Variants in CD72 observed in about 807,000 individuals in gnomAD.
CD72 encodes B-cell differentiation antigen CD72.
In CD72, 28 loss-of-function variants were observed where a neutral mutation model predicts 50.7. The observed-to-expected ratio is 0.55, with a 90% confidence interval of 0.41 to 0.76. CD72 has a LOEUF of 0.76. Among genes scored for constraint, CD72 ranks in the 30% least tolerant of loss-of-function variants. The probability of loss-of-function intolerance (pLI) is 0.00; values close to 1 mark genes in which losing one functional copy is unlikely to be tolerated. For synonymous variants in CD72, 176 were observed against 171.2 expected, an observed-to-expected ratio of 1.03 and a Z score of -0.22; for missense variants, 403 against 420.6, an observed-to-expected ratio of 0.96 and a Z score of 0.37.
chr9:35,613,777 G>T (rs1007146433), intron 5 of CD72, among the ~76,000 whole-genome samples: 7 of 152,104 alleles, frequency 4.6e-5, no homozygotes, highest in Non-Finnish European at 8.8e-5. Flanking sequence ...CCGAGGCGGG[G>T]TGGATCACCT....
chr9:35,636,475 T>G (rs1042344226), intron 1 of CD72, among the ~76,000 whole-genome samples: 2 of 151,882 alleles, frequency 1.3e-5, no homozygotes, highest in Middle Eastern at 3.4e-3. Flanking sequence ...TGGGAAGAAA[T>G]GGAATATAAA....
chr9:35,622,705 T>G (rs904904267), upstream of CD72, among the ~76,000 whole-genome samples: 4 of 151,784 alleles, frequency 2.6e-5, no homozygotes, highest in East Asian at 7.7e-4. Flanking sequence ...AAGAATCGCT[T>G]AAACCCGGGA....
At chr9:35,613,578 TC>T (rs1356136761) in intron 5 of CD72, among the ~76,000 whole-genome samples, 6 of 152,196 alleles carry the variant, frequency 3.9e-5, no homozygotes, top group Non-Finnish European at 8.8e-5. Flanking sequence ...ATTGCTTTGT[TC>T]CATCAGTCCT....
chr9:35,618,586 T>A (rs1823105621), upstream of CD72: 2 of 682,018 alleles, frequency 2.9e-6, no homozygotes, highest in Non-Finnish European at 4.8e-6. Flanking sequence ...TGTCCCCATG[T>A]CCTCCCTGTG....
chr9:35,611,212 C>T (rs2131753360), intron 7 of CD72, among the ~76,000 whole-genome samples: 1 of 150,832 alleles, frequency 6.6e-6, no homozygotes, highest in African/African-American at 2.4e-5. Flanking sequence ...GATTGCACCA[C>T]TGCACTCCAG....
intron 6 of CD72, among the ~76,000 whole-genome samples, 175 bp from the exon 7 acceptor site, chr9:35,612,094 A>T (rs560765200): frequency 1.3e-5 from 2 of 152,216 alleles, no homozygotes; most frequent in Non-Finnish European, 2.9e-5. Context: ...GCTCACTGCT[A>T]AATTTGCCTT....
At chr9:35,635,458 G>C (rs1394834843) in intron 1 of CD72, among the ~76,000 whole-genome samples, 1 of 152,140 alleles carries the variant, frequency 6.6e-6, no homozygotes, top group African/African-American at 2.4e-5. Context: ...TTTCAGCAAT[G>C]ACTGTCCTCT....
chr9:35,627,395 G>A (rs548106272), intron 1 of CD72, among the ~76,000 whole-genome samples: 45 of 152,034 alleles, frequency 3.0e-4, no homozygotes, highest in Non-Finnish European at 3.7e-4. Context: ...CTCCCAAAGT[G>A]CTAGGATTAC....
At chr9:35,616,764 G>A (rs1823071017) in intron 3 of CD72, 75 bp from the exon 4 acceptor site, 1 of 1,303,594 alleles carries the variant, frequency 7.7e-7, no homozygotes, top group Non-Finnish European at 1.1e-6. Flanking sequence ...CAGGTCCGTG[G>A]GGGAGACCCC....
At chr9:35,639,410 C>G (rs904003116) in intron 1 of CD72, among the ~76,000 whole-genome samples, 2 of 152,072 alleles carry the variant, frequency 1.3e-5, no homozygotes, top group African/African-American at 2.4e-5. Context: ...AAGGTCAAGA[C>G]AGTACACAGA....
intron 1 of CD72, among the ~76,000 whole-genome samples, chr9:35,639,275 G>A (rs566353426): frequency 1.3e-5 from 2 of 152,192 alleles, no homozygotes; most frequent in African/African-American, 4.8e-5. Context: ...AATGCAATTG[G>A]TTTCTCAAAA....
At chr9:35,633,487 G>A (rs1414077932) in intron 1 of CD72, among the ~76,000 whole-genome samples, 2 of 151,820 alleles carry the variant, frequency 1.3e-5, no homozygotes, top group Non-Finnish European at 2.9e-5. Flanking sequence ...TTTTTATTTT[G>A]TGAACATAGT....
chr9:35,629,025 C>T (rs1434842006), intron 1 of CD72, among the ~76,000 whole-genome samples: 1 of 152,034 alleles, frequency 6.6e-6, no homozygotes, highest in Non-Finnish European at 1.5e-5. Flanking sequence ...AAGGCATGCA[C>T]CACAATGCCT....
chr9:35,618,462 G>A (rs1451751201), upstream of CD72: 41 of 1,506,630 alleles, frequency 2.7e-5, no homozygotes, highest in Non-Finnish European at 3.6e-5. Flanking sequence ...AGAGGAAGGT[G>A]TTAGCAAGTC....
At chr9:35,620,903 A>G (rs1321345158), upstream of CD72, among the ~76,000 whole-genome samples, 1 of 152,180 alleles carries the variant, frequency 6.6e-6, no homozygotes, top group Non-Finnish European at 1.5e-5. Flanking sequence ...GGCTTGTTCT[A>G]TATTTTTCTC....
At chr9:35,637,528 C>T (rs556189867) in intron 1 of CD72, among the ~76,000 whole-genome samples, 17 of 152,238 alleles carry the variant, frequency 1.1e-4, no homozygotes, top group African/African-American at 3.4e-4. Context: ...CTCTTGCTAC[C>T]CTTCAATCTC....
intron 1 of CD72, among the ~76,000 whole-genome samples, chr9:35,626,239 TGGA>T (rs1273335010): frequency 6.6e-6 from 1 of 151,684 alleles, no homozygotes; most frequent in Non-Finnish European, 1.5e-5. Flanking sequence ...ATGGATGACT[TGGA>T]GGAGTTCAAG....
In CD72 at chr9:35,645,633, C is replaced by T. The variant is rs537330112; in HGVS notation, n.408+770G>A. On this transcript the variant is annotated intron_variant and non_coding_transcript_variant, in intron 1 of 3. Coordinates refer to the CD72 transcript ENST00000465754. Reference sequence around the variant, plus strand: ...CTTGGTCTGTATTATGCATTGTATGCGTATATCAAAATATCTCATGTACTC... The same window carrying T: ...CTTGGTCTGTATTATGCATTGTATGTGTATATCAAAATATCTCATGTACTC... 9.4e-4 allele frequency among the ~76,000 whole-genome samples: 143 copies of T among 152,156 alleles called. 1 individual carries two copies. Among genetic ancestry groups the T allele is most frequent in the African/African-American group, 3.3e-3 (137 of 41,502 alleles).
chr9:35,612,736 T>A lies in CD72; in HGVS notation c.834+112A>T, dbSNP rs1388995067. On this transcript the variant is annotated intron_variant, in intron 6 of 8. Transcript: ENST00000259633. Reference sequence around the variant, plus strand: ...GTATTATGATTCTCAGTTTCTTCCATGGAAAAGGAATGGCCACCCCAGCCA... The same window carrying A: ...GTATTATGATTCTCAGTTTCTTCCAAGGAAAAGGAATGGCCACCCCAGCCA... 5.2e-6 allele frequency: 5 copies of A among 952,834 alleles called. No homozygotes were observed. In the East Asian group the frequency reaches 1.2e-4, roughly 23 times the overall value. The allele number at this position is 952,834 out of a possible 1,614,324, so 59.0% of individuals were successfully genotyped here. A position where few individuals can be genotyped will look rare whatever the true frequency, so the allele number is the denominator to read the frequency against.
Sources: gnomAD v4.1 joint callset for allele counts (sites outside exome capture counted in the v4.1 genomes callset) on GRCh38, gnomAD v4.1.1 for gene constraint, MANE v1.5 for transcripts, NCBI Gene and HGNC (gene_info 2026-07-23, HGNC 2026-07-21) for gene names.